PIAS2: variants seen among roughly 807,000 people sequenced by gnomAD.
PIAS2 encodes E3 SUMO-protein ligase PIAS2.
In PIAS2, 19 loss-of-function variants were observed where a neutral mutation model predicts 69.7. The observed-to-expected ratio is 0.27, with a 90% confidence interval of 0.19 to 0.40. PIAS2 has a LOEUF of 0.40. Among genes scored for constraint, PIAS2 ranks in the 10% least tolerant of loss-of-function variants. The pLI, the probability that PIAS2 is intolerant of heterozygous loss-of-function variation, is 1.00. For missense variants in PIAS2, 624 were observed against 757.0 expected, an observed-to-expected ratio of 0.82 and a Z score of 2.06; for synonymous variants, 261 against 263.2, an observed-to-expected ratio of 0.99 and a Z score of 0.08.
At chr18:46,839,259 A>G (rs575097638) in intron 8 of PIAS2, among the ~76,000 whole-genome samples, 1 of 152,286 alleles carries the variant, frequency 6.6e-6, no homozygotes, top group South Asian at 2.1e-4. Context: ...ATCTACACAT[A>G]CTAATATACT....
At chr18:46,879,254 T>A (rs1279000148) in intron 2 of PIAS2, among the ~76,000 whole-genome samples, 1 of 152,184 alleles carries the variant, frequency 6.6e-6, no homozygotes, top group African/African-American at 2.4e-5. Context: ...AGGACTTGGA[T>A]AGACATTTCT....
At chr18:46,865,931 T>TC (rs1415717488) in intron 2 of PIAS2, among the ~76,000 whole-genome samples, 1 of 152,336 alleles carries the variant, frequency 6.6e-6, no homozygotes, top group East Asian at 1.9e-4. Context: ...TTGTTCGGAC[T>TC]CCACTTTTCA....
At chr18:46,916,706 TA>T in intron 1 of PIAS2, 1 of 523,420 alleles carries the variant, frequency 1.9e-6, no homozygotes, top group Non-Finnish European at 2.5e-6. Flanking sequence ...GATTTCTTAC[TA>T]AAACACTAAG....
intron 11 of PIAS2, among the ~76,000 whole-genome samples, chr18:46,823,427 TAAC>T (rs1465837788): frequency 6.6e-6 from 1 of 152,148 alleles, no homozygotes; most frequent in African/African-American, 2.4e-5. Context: ...GACTTACACG[TAAC>T]AACAATAACA....
chr18:46,816,542 A>G (rs1447847150), intron 12 of PIAS2: 3 of 648,166 alleles, frequency 4.6e-6, no homozygotes, highest in Non-Finnish European at 3.8e-6. Context: ...CAGAGGCACA[A>G]TCATAGGTAA....
chr18:46,909,201 T>C (rs2056981702), intron 1 of PIAS2, among the ~76,000 whole-genome samples: 1 of 152,106 alleles, frequency 6.6e-6, no homozygotes, highest in Admixed American at 6.6e-5. Context: ...TAGTAAAAGA[T>C]GCTCAAACTC....
chr18:46,831,967 A>C (rs1420168644), intron 9 of PIAS2, among the ~76,000 whole-genome samples: 2 of 152,226 alleles, frequency 1.3e-5, no homozygotes, highest in Admixed American at 6.5e-5. Flanking sequence ...CCTTCATTCA[A>C]AGTAGACACT....
intron 1 of PIAS2, among the ~76,000 whole-genome samples, chr18:46,914,202 C>G (rs192138264): frequency 4.6e-5 from 7 of 152,346 alleles, no homozygotes; most frequent in African/African-American, 1.2e-4. Context: ...TTGTAACCAT[C>G]TTTGAGCACA....
At chr18:46,889,074 C>T (rs575026966) in intron 2 of PIAS2, among the ~76,000 whole-genome samples, 16 of 152,178 alleles carry the variant, frequency 1.1e-4, no homozygotes, top group South Asian at 6.2e-4. Context: ...ATACCATATA[C>T]GAAAATTAAC....
intron 1 of PIAS2, chr18:46,901,348 G>GAGGC: frequency 3.8e-6 from 1 of 259,778 alleles, no homozygotes; most frequent in Non-Finnish European, 7.8e-6. Context: ...GGCGGACGTT[G>GAGGC]TGGTGAGCCA....
intron 10 of PIAS2, among the ~76,000 whole-genome samples, chr18:46,829,103 G>A (rs1016460558): frequency 1.3e-5 from 2 of 152,122 alleles, no homozygotes; most frequent in African/African-American, 4.8e-5. Flanking sequence ...GAAACTCTAA[G>A]TTCACGTGTG....
In PIAS2 at chr18:46,805,634, G is replaced by A. The variant is rs562636206; in HGVS notation, c.*6799C>T. 1 of 152,416 alleles carries A rather than the reference G, an allele frequency of 6.6e-6. No homozygotes were observed. The highest frequency in any genetic ancestry group is 1.9e-4 in the East Asian group (1 of 5,188). The allele number at this position is 152,416 out of a possible 1,614,324, so 9.4% of individuals were successfully genotyped here. A position where few individuals can be genotyped will look rare whatever the true frequency, so the allele number is the denominator to read the frequency against. ...AGCTGTAGGGTATGGCAGGGCCTCAGGTGGCAGCCAAATTTGTAATGGGCA... is the reference window on the plus strand; with the variant it reads ...AGCTGTAGGGTATGGCAGGGCCTCAAGTGGCAGCCAAATTTGTAATGGGCA... On this transcript the variant is annotated 3_prime_UTR_variant, in exon 14 of 14. Coordinates refer to ENST00000585916, the MANE Select transcript of PIAS2 (RefSeq NM_004671.5).
At chr18:46,821,534 C>T (rs140806843) in intron 11 of PIAS2, among the ~76,000 whole-genome samples, 4 of 152,178 alleles carry the variant, frequency 2.6e-5, no homozygotes, top group African/African-American at 4.8e-5. Flanking sequence ...AAGTCTAACT[C>T]GAATTGTATT....
intron 2 of PIAS2, among the ~76,000 whole-genome samples, chr18:46,884,698 T>C (rs2052856827): frequency 6.6e-6 from 1 of 152,028 alleles, no homozygotes; most frequent in Non-Finnish European, 1.5e-5. Flanking sequence ...GGCAGATCAC[T>C]TGAGGTCAGG....
At chr18:46,817,302 T>C (rs2041664874) in intron 12 of PIAS2, 3 of 984,664 alleles carry the variant, frequency 3.0e-6, no homozygotes, top group South Asian at 4.7e-5. Context: ...CACTCAAAAA[T>C]GCTCATTTTC....
chr18:46,887,625 C>G (rs1204397334), intron 2 of PIAS2, among the ~76,000 whole-genome samples: 1 of 151,948 alleles, frequency 6.6e-6, no homozygotes, highest in Non-Finnish European at 1.5e-5. Flanking sequence ...TAAATAAAAG[C>G]TAAAAAACTG....
At chr18:46,823,532 C>A (rs1333228263) in intron 11 of PIAS2, among the ~76,000 whole-genome samples, 16 of 152,134 alleles carry the variant, frequency 1.1e-4, no homozygotes, top group Admixed American at 1.0e-3. Flanking sequence ...TACAGTAACA[C>A]CTAATAACTG....
intron 2 of PIAS2, among the ~76,000 whole-genome samples, chr18:46,888,801 G>A (rs995200012): frequency 2.0e-5 from 3 of 151,828 alleles, no homozygotes; most frequent in South Asian, 2.1e-4. Flanking sequence ...TGTAATGCTC[G>A]AATTCCTGCT....
chr18:46,818,158 A>T, intron 12 of PIAS2: 3 of 1,119,468 alleles, frequency 2.7e-6, no homozygotes, highest in Non-Finnish European at 3.3e-6. Context: ...CATTGATGAC[A>T]ACACATTTTC....
Sources: allele counts gnomAD v4.1 joint callset (sites outside exome capture counted in the v4.1 genomes callset), GRCh38; gene constraint gnomAD v4.1.1; transcripts MANE v1.5; gene names NCBI Gene and HGNC (gene_info 2026-07-23, HGNC 2026-07-21).